The following SORD variants were observed in gnomAD, a reference collection of about 807,000 sequenced individuals.
SORD encodes (R,R)-butanediol dehydrogenase.
A neutral mutation model predicts 35.6 loss-of-function variants in SORD; 18 were observed. The ratio of observed to expected loss-of-function variants is 0.51; its 90% CI spans 0.35 to 0.75. The LOEUF (loss-of-function observed/expected upper bound fraction) is 0.75. Among genes scored for constraint, SORD ranks in the 30% least tolerant of loss-of-function variants. The probability of loss-of-function intolerance (pLI) is 0.01; values close to 1 mark genes in which losing one functional copy is unlikely to be tolerated. For missense variants in SORD, 250 were observed against 390.2 expected (o/e 0.64, Z 3.03); for synonymous variants, 106 against 152.9 (o/e 0.69, Z 2.26).
At position 45,068,794 on chromosome 15, in the gene SORD, A is replaced by G. The variant is rs1243142019; in HGVS notation, c.611-83A>G. The G allele has an allele frequency of 8.4e-6, 12 of 1,424,630 alleles. No homozygotes were observed. The East Asian group carries it at 2.8e-4, about 34-fold the overall frequency. 88.2% of individuals were successfully genotyped at this position (1,424,630 alleles called of 1,614,324 possible). A position where few individuals can be genotyped will look rare whatever the true frequency, so the allele number is the denominator to read the frequency against. On this transcript the variant is annotated intron_variant, in intron 6 of 8. Coordinates refer to ENST00000267814, the MANE Select transcript of SORD (RefSeq NM_003104.6). ...GAGCTTTGTTGCCATCAGATCTTAC[A>G]TCTCCATTTTCTTTTCTTCCTAATG...
intron 3 of SORD, among the ~76,000 whole-genome samples, chr15:45,047,715 T>C (rs1040004846): frequency 6.6e-6 from 1 of 152,218 alleles, no homozygotes; most frequent in Non-Finnish European, 1.5e-5. Flanking sequence ...ATAAGGCCTG[T>C]GGGTCCTTTC....
intron 4 of SORD, among the ~76,000 whole-genome samples, chr15:45,064,198 A>T: frequency 6.6e-6 from 1 of 151,790 alleles, no homozygotes; most frequent in Non-Finnish European, 1.5e-5. Flanking sequence ...TATTAATATT[A>T]GCTACACAGC....
intron 1 of SORD, among the ~76,000 whole-genome samples, chr15:45,029,372 C>T (rs879578114): frequency 0.21 from 30,967 of 150,358 alleles, no homozygotes; most frequent in African/African-American, 0.44. Flanking sequence ...TTCGCCAGAC[C>T]TGTGGAGTAC....
intron 7 of SORD, among the ~76,000 whole-genome samples, chr15:45,069,412 G>A (rs1440877978): frequency 4.0e-5 from 6 of 151,784 alleles, no homozygotes; most frequent in East Asian, 3.9e-4. Context: ...GGGTTTCACC[G>A]TGTTAGCCAG....
intron 4 of SORD, among the ~76,000 whole-genome samples, chr15:45,062,173 G>A (rs1191468843): frequency 1.3e-5 from 2 of 152,088 alleles, no homozygotes; most frequent in Non-Finnish European, 2.9e-5. Context: ...GAATAATGCT[G>A]AGGTGGGCAC....
At chr15:45,042,074 CTT>C (rs1310216580) in intron 2 of SORD, among the ~76,000 whole-genome samples, 2 of 152,166 alleles carry the variant, frequency 1.3e-5, no homozygotes, top group African/African-American at 4.8e-5. Flanking sequence ...ATTTGGGTCT[CTT>C]TGTCTTTCTA....
intron 7 of SORD, chr15:45,070,890 G>C (rs1291284932): frequency 6.6e-6 from 1 of 152,260 alleles, no homozygotes; most frequent in African/African-American, 2.4e-5. Context: ...GGGCCTGGTT[G>C]CCAGGCTACC....
chr15:45,023,324 T>G lies in SORD; in HGVS notation c.41T>G (p.Val14Gly). The change falls in exon 1 of 9, where the codon GTG becomes GGG. Residue 14 changes from valine to glycine, a missense_variant. By Grantham distance (109) the Val-to-Gly change is moderately radical (BLOSUM62 -3). Around this residue, in one of 8 missense-constraint regions of SORD, gnomAD observed 43 missense variants for 30.6 expected, o/e 1.40. Transcript: ENST00000267814. ...AAKPNNLSLV[V>G]HGPGDLRLEN... ...AAGCCCAACAACCTTTCCCTGGTGG[T>G]GCACGGACCGGGGGACTTGCGCCTG... 9 of 1,590,662 alleles carry G rather than the reference T, an allele frequency of 5.7e-6. No individual in the cohort carries two copies. Among genetic ancestry groups the G allele is most frequent in the Non-Finnish European group, 7.7e-6 (9 of 1,169,796 alleles).
At chr15:45,051,473 G>T (rs1277067396) in intron 3 of SORD, among the ~76,000 whole-genome samples, 1 of 152,118 alleles carries the variant, frequency 6.6e-6, no homozygotes, top group East Asian at 1.9e-4. Context: ...GTTTGATTTG[G>T]GGGAGCCTGT....
intron 3 of SORD, among the ~76,000 whole-genome samples, chr15:45,055,846 AATAAAT>A (rs1197189945): frequency 6.6e-6 from 1 of 152,152 alleles, no homozygotes; most frequent in Non-Finnish European, 1.5e-5. Flanking sequence ...TACGCAAATC[AATAAAT>A]GTAATCCAGC....
At position 45,023,268 on chromosome 15, in the gene SORD, G is replaced by A. The variant is rs1273931993; in HGVS notation, c.-16G>A. 2 of 1,568,420 alleles carry A rather than the reference G, an allele frequency of 1.3e-6. No homozygotes were observed. Among genetic ancestry groups the A allele is most frequent in the African/African-American group, 2.7e-5 (2 of 73,340 alleles). Reference sequence around the variant, plus strand: ...CCCGCGCCTTCCAGGCCGCACTCCAGAGCCAAAAGAGCTCCATGGCGGCGG... The same window carrying A: ...CCCGCGCCTTCCAGGCCGCACTCCAAAGCCAAAAGAGCTCCATGGCGGCGG... On this transcript the variant is annotated 5_prime_UTR_variant, in exon 1 of 9. Coordinates refer to ENST00000267814, the MANE Select transcript of SORD (RefSeq NM_003104.6).
At chr15:45,045,875 C>T (rs1893039816) in intron 3 of SORD, among the ~76,000 whole-genome samples, 1 of 152,032 alleles carries the variant, frequency 6.6e-6, no homozygotes, top group Non-Finnish European at 1.5e-5. Context: ...GTAGTGTGCA[C>T]CTGCATTTCC....
chr15:45,039,413 A>C (rs1892929881), intron 1 of SORD, among the ~76,000 whole-genome samples: 2 of 152,198 alleles, frequency 1.3e-5, no homozygotes, highest in African/African-American at 4.8e-5. Context: ...CAGGCATGAG[A>C]CACTGTGCCC....
At chr15:45,045,250 G>A (rs1344657890) in intron 3 of SORD, among the ~76,000 whole-genome samples, 1 of 152,136 alleles carries the variant, frequency 6.6e-6, no homozygotes, top group Non-Finnish European at 1.5e-5. Context: ...TTAAGAGGAA[G>A]CGAATGGCTG....
chr15:45,027,742 G>A (rs2576076), intron 1 of SORD, among the ~76,000 whole-genome samples: 30,739 of 150,480 alleles, frequency 0.2, no homozygotes, highest in African/African-American at 0.44. Flanking sequence ...AATGAATTAT[G>A]GATTCATGAA....
At chr15:45,025,106 C>T (rs1010168750) in intron 1 of SORD, among the ~76,000 whole-genome samples, 5 of 152,216 alleles carry the variant, frequency 3.3e-5, no homozygotes, top group African/African-American at 1.2e-4. Flanking sequence ...CATTAGAACC[C>T]ACTCTCTGAC....
intron 2 of SORD, among the ~76,000 whole-genome samples, chr15:45,041,452 C>T (rs1892964648): frequency 6.6e-6 from 1 of 152,050 alleles, no homozygotes; most frequent in Non-Finnish European, 1.5e-5. Flanking sequence ...TGTCCTACCT[C>T]ACACCAGAAC....
chr15:45,057,736 T>C (rs1013775072), intron 3 of SORD, among the ~76,000 whole-genome samples: 3 of 151,978 alleles, frequency 2.0e-5, no homozygotes, highest in Admixed American at 6.6e-5. Flanking sequence ...TGAGCCCAGA[T>C]TGCACCACTG....
chr15:45,044,808 G>A (rs1021272166), intron 3 of SORD, among the ~76,000 whole-genome samples: 32 of 150,214 alleles, frequency 2.1e-4, no homozygotes, highest in African/African-American at 6.1e-4. Flanking sequence ...AGTGATTCCC[G>A]TGCCTCAGCC....
Sources: allele counts gnomAD v4.1 joint callset (sites outside exome capture counted in the v4.1 genomes callset), GRCh38; gene constraint gnomAD v4.1.1; regional missense constraint gnomAD v4.1.1; transcripts MANE v1.5; gene names NCBI Gene and HGNC (gene_info 2026-07-23, HGNC 2026-07-21).